The following CDH15 variants were observed in gnomAD, a reference collection of about 807,000 sequenced individuals.
The protein encoded by CDH15 is cadherin-15.
A neutral mutation model predicts 69.4 loss-of-function variants in CDH15; 73 were observed. That is an observed-to-expected ratio of 1.05 (90% CI 0.87 to 1.28). The LOEUF is 1.28. Ranked by LOEUF, CDH15 falls within the 50% of genes most tolerant of loss-of-function variation. CDH15 has a pLI of 0.00. For missense variants in CDH15, 1,343 were observed against 1,133.6 expected (o/e 1.18, Z -2.65); for synonymous variants, 624 against 507.7 (o/e 1.23, Z -3.08).
In CDH15 at chr16:89,195,385, C is replaced by G. The variant is rs1027161725; in HGVS notation, c.*230C>G. 1.4e-5 allele frequency: 8 copies of G among 560,586 alleles called. No homozygotes were observed. The highest frequency in any genetic ancestry group is 1.6e-5 in the Non-Finnish European group (5 of 316,544). The allele number at this position is 560,586 out of a possible 1,614,324, so 34.7% of individuals were successfully genotyped here. On this transcript the variant is annotated 3_prime_UTR_variant, in exon 14 of 14. Transcript: ENST00000289746. ...CTCTCCATCGGCCCCATGCGGGTCA[C>G]CTCCCTAGTCCCACCTTTGCCTCCT...
At chr16:89,194,058 T>C in intron 13 of CDH15, 145 bp downstream of exon 13, 1 of 1,014,758 alleles carries the variant, frequency 9.9e-7, no homozygotes, top group Non-Finnish European at 1.4e-6. Context: ...AGGAAGATGG[T>C]GTGCGGGCGG....
At position 89,192,498 on chromosome 16, in the gene CDH15, C is replaced by G. The variant is rs901660625; in HGVS notation, c.1855+54C>G. The G allele has an allele frequency of 6.5e-6, 10 of 1,544,956 alleles. 1 individual carries two copies. In the Admixed American group the frequency reaches 1.9e-4, roughly 29 times the overall value. On this transcript the variant is annotated intron_variant, in intron 11 of 13. Transcript: ENST00000289746. Reference sequence around the variant, plus strand: ...CCCTCGGACCCTCGGACCCTCCTCCCCAGGCCGTCCCCTGCTAACCAGCCA... The same window carrying G: ...CCCTCGGACCCTCGGACCCTCCTCCGCAGGCCGTCCCCTGCTAACCAGCCA...
At chr16:89,189,137 CGG>C (rs1249614967) in intron 7 of CDH15, among the ~76,000 whole-genome samples, 1 of 129,412 alleles carries the variant, frequency 7.7e-6, no homozygotes, top group African/African-American at 3.0e-5. Context: ...ACAAAGATGC[CGG>C]CACACACAGA....
chr16:89,178,613 G>A lies in CDH15; in HGVS notation c.43-803G>A, dbSNP rs113269489. ...CCTGCCCAGTCAGTCTCAGGAACCC[G>A]CACCACCAGCGTTGGCTGCCCAGCC... On this transcript the variant is annotated intron_variant, in intron 1 of 13. Coordinates refer to ENST00000289746, the MANE Select transcript of CDH15 (RefSeq NM_004933.3). Among the ~76,000 whole-genome samples, 201 of 131,488 alleles carry A rather than the reference G, an allele frequency of 1.5e-3. 1 individual carries two copies. Among genetic ancestry groups the A allele is most frequent in the Middle Eastern group, 7.5e-3 (2 of 266 alleles). 86.3% of individuals were successfully genotyped at this position (131,488 alleles called of 152,430 possible).
intron 3 of CDH15, 172 bp from the exon 4 acceptor site, chr16:89,183,376 A>AC: frequency 1.4e-6 from 1 of 705,904 alleles, no homozygotes. Context: ...CCGTTCAGGG[A>AC]CGTCCTCAGT....
chr16:89,182,413 A>G (rs12599774), intron 3 of CDH15, among the ~76,000 whole-genome samples: 36,366 of 149,098 alleles, frequency 0.24, 4,549 homozygotes, highest in East Asian at 0.32. Flanking sequence ...GGCCGAGGCG[A>G]GTGGATCACC....
chr16:89,188,036 G>A (rs1027082218), intron 6 of CDH15, 64 bp from the exon 7 acceptor site: 351 of 1,445,228 alleles, frequency 2.4e-4, no homozygotes, highest in Non-Finnish European at 3.2e-4. Context: ...TGAGGGCCCT[G>A]AGGGCCCCAC....
chr16:89,180,897 G>C (rs1915361480), intron 3 of CDH15, among the ~76,000 whole-genome samples: 1 of 151,042 alleles, frequency 6.6e-6, no homozygotes, highest in African/African-American at 2.4e-5. Flanking sequence ...CTAATTGTTT[G>C]TATTTTTAGT....
rs1372076422 is a variant in CDH15 at position 89,188,115 on chromosome 16, A to G, written c.808A>G (p.Ile270Val). 2 of 1,612,166 alleles carry G rather than the reference A, an allele frequency of 1.2e-6. No homozygotes were observed. Among genetic ancestry groups the G allele is most frequent in the Non-Finnish European group, 1.7e-6 (2 of 1,179,436 alleles). The change falls in exon 7 of 14, where the codon ATA becomes GTA. Residue 270 changes from isoleucine (I) to valine (V), a missense_variant. Ile to Val is a conservative substitution (Grantham distance 29, BLOSUM62 3). Transcript: ENST00000289746. ...CCCCACCCAGTTCTTCATGGAGGCC[A>G]TAGAGGCCGTCAGCGGAGTGGATGT... ...FTRDEFFMEA[I>V]EAVSGVDVGR... is the part of the protein sequence containing the mutation.
intron 3 of CDH15, 122 bp from the exon 4 acceptor site, chr16:89,183,426 G>A (rs910705944): frequency 3.4e-6 from 4 of 1,167,114 alleles, no homozygotes; most frequent in East Asian, 5.0e-5. Context: ...TTTCTCGCCT[G>A]TTTAAGCTGG....
intron 7 of CDH15, among the ~76,000 whole-genome samples, chr16:89,188,589 T>C (rs1245753505): frequency 1.0e-5 from 1 of 95,850 alleles, no homozygotes. Context: ...CACACACAGA[T>C]GCCCACACAC....
intron 3 of CDH15, among the ~76,000 whole-genome samples, chr16:89,180,968 C>T (rs1915364238): frequency 1.1e-5 from 1 of 92,802 alleles, no homozygotes; most frequent in Admixed American, 1.1e-4. Flanking sequence ...AGCCACCGCG[C>T]CCGACCTTTT....
chr16:89,194,272 G>A (rs1452893307), intron 13 of CDH15, among the ~76,000 whole-genome samples: 3 of 152,156 alleles, frequency 2.0e-5, no homozygotes, highest in Non-Finnish European at 4.4e-5. Context: ...AAGACCCTCT[G>A]GACACAGCGT....
intron 11 of CDH15, 147 bp from the exon 12 acceptor site, chr16:89,193,323 G>T (rs1597313662): frequency 1.5e-6 from 1 of 648,634 alleles, no homozygotes; most frequent in Non-Finnish European, 2.5e-6. Flanking sequence ...TGCCAGACAC[G>T]CCCTTTCCCC....
intron 1 of CDH15, 51 bp from the exon 2 acceptor site, chr16:89,179,365 G>T (rs367941530): frequency 6.3e-5 from 101 of 1,607,778 alleles, no homozygotes; most frequent in Non-Finnish European, 8.3e-5. Context: ...GCACGCTGCC[G>T]CCCAGGGCTC....
In CDH15 at chr16:89,183,669, G is replaced by A. The variant is rs369302977; in HGVS notation, c.479G>A (p.Arg160His). ...PAFLQEAFTG[R>H]VLEGAVPGTY... ...TTCCTGCAGGAGGCGTTCACTGGCC[G>A]CGTGCTGGAGGGTGCAGTCCCAGGT... Residue 160 changes from arginine (R) to histidine (H), a missense_variant, in exon 4 of 14, where the codon CGC (arginine) becomes CAC (histidine). Arg to His is a conservative substitution (Grantham distance 29, BLOSUM62 0). Transcript: ENST00000289746. 5.7e-5 allele frequency: 91 copies of A among 1,608,228 alleles called. No individual in the cohort carries two copies. The highest frequency in any genetic ancestry group is 7.1e-5 in the Non-Finnish European group (84 of 1,177,382).
chr16:89,183,118 G>A (rs1178841046), intron 3 of CDH15: 1 of 163,226 alleles, frequency 6.1e-6, no homozygotes, highest in Non-Finnish European at 1.3e-5. Context: ...GGAGGCAGAG[G>A]TTGCAGTGAG....
At chr16:89,193,333 C>CG in intron 11 of CDH15, 137 bp from the exon 12 acceptor site, 1 of 680,508 alleles carries the variant, frequency 1.5e-6, no homozygotes, top group South Asian at 1.9e-5. Context: ...GCCCTTTCCC[C>CG]AACTGCCGCC....
At chr16:89,186,242 G>A (rs1319018257) in intron 5 of CDH15, 1 of 80,316 alleles carries the variant, frequency 1.2e-5, no homozygotes, top group African/African-American at 4.7e-5. Context: ...CTCTGTAAAC[G>A]CTCACCCAGT....
Sources: allele counts gnomAD v4.1 joint callset (sites outside exome capture counted in the v4.1 genomes callset), GRCh38; gene constraint gnomAD v4.1.1; transcripts MANE v1.5; gene names NCBI Gene and HGNC (gene_info 2026-07-23, HGNC 2026-07-21).